The following DMD variants were observed in gnomAD, a reference collection of about 807,000 sequenced individuals.
DMD encodes mutant dystrophin.
A neutral mutation model predicts 330.1 loss-of-function variants in DMD; 63 were observed. The observed-to-expected ratio is 0.19, with a 90% confidence interval of 0.16 to 0.24. DMD has a LOEUF of 0.24. DMD is among the 10% of genes least tolerant of loss of function. The pLI, the probability that DMD is intolerant of heterozygous loss-of-function variation, is 1.00. For synonymous variants in DMD, 1,223 were observed against 959.8 expected (o/e 1.27, Z -5.07); for missense variants, 3,344 against 2,684.1 (o/e 1.25, Z -5.43).
chrX:32,815,508 T>C (rs2077669119), intron 6 of DMD, among the ~76,000 whole-genome samples: 1 of 57,700 alleles, frequency 1.7e-5, no homozygotes, highest in African/African-American at 7.7e-5. Flanking sequence ...TATATATATA[T>C]ATATATATAT....
intron 2 of DMD, among the ~76,000 whole-genome samples, chrX:32,930,985 A>T (rs1480995745): frequency 1.9e-5 from 2 of 107,777 alleles, no homozygotes; most frequent in African/African-American, 6.6e-5. Context: ...TATATTATAC[A>T]TTTATTATAT....
rs185638853 is a variant in DMD at position 32,633,583 on chromosome X, T to C, written c.1331+10549A>G. Among the ~76,000 whole-genome samples the C allele has an allele frequency of 1.5e-4, 17 of 112,113 alleles. No individual in the cohort carries two copies. In the East Asian group the frequency reaches 4.5e-3, roughly 30 times the overall value. ...ATCTTGACAGCAAAGCCCCACTTCT[T>C]GGTAACAATTTTCTGTACTAGGCCA... On this transcript the variant is annotated intron_variant, in intron 11 of 78. Coordinates refer to ENST00000357033, the MANE Select transcript of DMD (RefSeq NM_004006.3).
intron 48 of DMD, among the ~76,000 whole-genome samples, chrX:31,838,216 A>G (rs754765080): frequency 1.1e-4 from 12 of 111,868 alleles, no homozygotes; most frequent in Non-Finnish European, 2.1e-4. Flanking sequence ...TGAATACCGC[A>G]TTTGCAAAAA....
chrX:31,540,059 G>C, intron 55 of DMD, among the ~76,000 whole-genome samples: 2 of 112,272 alleles, frequency 1.8e-5, no homozygotes, highest in Admixed American at 1.9e-4. Flanking sequence ...CAGCTATTCT[G>C]CATCCAGGCT....
At chrX:31,597,007 C>T (rs2077142162) in intron 55 of DMD, among the ~76,000 whole-genome samples, 1 of 112,660 alleles carries the variant, frequency 8.9e-6, no homozygotes, top group African/African-American at 3.2e-5. Context: ...ATATTCTAGG[C>T]TTTGCCTCAA....
At chrX:32,781,810 A>G (rs973366525) in intron 7 of DMD, among the ~76,000 whole-genome samples, 22 of 111,662 alleles carry the variant, frequency 2.0e-4, no homozygotes, top group Admixed American at 1.7e-3. Context: ...AACATAAGGA[A>G]GAATGCTCAC....
intron 6 of DMD, among the ~76,000 whole-genome samples, chrX:32,811,862 G>A (rs2077392617): frequency 8.9e-6 from 1 of 111,858 alleles, no homozygotes; most frequent in African/African-American, 3.2e-5. Context: ...AAAATGTATT[G>A]ATAATAGAAT....
chrX:31,598,269 C>T (rs984100789), intron 55 of DMD, among the ~76,000 whole-genome samples: 1 of 110,469 alleles, frequency 9.1e-6, no homozygotes, highest in Non-Finnish European at 1.9e-5. Context: ...CAGAGGTGTT[C>T]CACCACATCC....
intron 47 of DMD, 128 bp from the exon 48 acceptor site, chrX:31,875,501 G>A (rs1242343289): frequency 3.7e-6 from 2 of 540,265 alleles, no homozygotes; most frequent in African/African-American, 4.7e-5. Flanking sequence ...TGTTATTTTA[G>A]CAGCATAATA....
intron 44 of DMD, among the ~76,000 whole-genome samples, chrX:32,085,676 A>G (rs761987398): frequency 6.0e-5 from 3 of 50,064 alleles, no homozygotes; most frequent in Non-Finnish European, 7.9e-5. Context: ...ATATATACAC[A>G]CGCGTATATA....
chrX:31,144,711 G>A (rs1359677257), intron 76 of DMD, among the ~76,000 whole-genome samples: 1 of 111,075 alleles, frequency 9.0e-6, no homozygotes, highest in Non-Finnish European at 1.9e-5. Flanking sequence ...TAAGATTTGA[G>A]AGGACCAAGT....
intron 47 of DMD, among the ~76,000 whole-genome samples, chrX:31,880,868 T>C (rs1225502143): frequency 8.9e-6 from 1 of 111,965 alleles, no homozygotes; most frequent in Non-Finnish European, 1.9e-5. Context: ...AATAAACAAC[T>C]GTTATTGGTT....
chrX:32,288,092 A>G (rs1234690119), intron 42 of DMD, among the ~76,000 whole-genome samples: 4 of 110,952 alleles, frequency 3.6e-5, no homozygotes, highest in African/African-American at 1.3e-4. Context: ...TAAATATCTT[A>G]TATAAGACAA....
At chrX:31,191,838 C>A in intron 67 of DMD, among the ~76,000 whole-genome samples, 1 of 112,449 alleles carries the variant, frequency 8.9e-6, no homozygotes, top group Non-Finnish European at 1.9e-5. Flanking sequence ...AAAATCATTT[C>A]AATGTCATTG....
chrX:33,259,673 G>A (rs1281130137), intron 1 of DMD, among the ~76,000 whole-genome samples: 1 of 92,960 alleles, frequency 1.1e-5, no homozygotes, highest in Non-Finnish European at 2.0e-5. Context: ...TATAATCACT[G>A]CCTTAAAGAT....
At position 32,842,333 on chromosome X, in the gene DMD, C is replaced by G. The variant is rs1192864669; in HGVS notation, c.264+2450G>C. ...AGATAACCACGCTAGGGATTTTCCCCACTGACAAGCATGCACACACTCCTC... is the reference window on the plus strand; with the variant it reads ...AGATAACCACGCTAGGGATTTTCCCGACTGACAAGCATGCACACACTCCTC... On this transcript the variant is annotated intron_variant, in intron 4 of 78. Transcript: ENST00000357033. Among the ~76,000 whole-genome samples the G allele has an allele frequency of 1.1e-4, 12 of 112,386 alleles. No individual in the cohort carries two copies. In the East Asian group the frequency reaches 3.4e-3, roughly 32 times the overall value.
Position 33,088,733 on chromosome X carries a change from A to G in DMD, c.32-68533T>C, listed in dbSNP as rs141067053. On this transcript the variant is annotated intron_variant, in intron 1 of 78. Transcript: ENST00000357033. Reference sequence around the variant, plus strand: ...ACCAGATGACATATTAAATATTTTTATAATTCTGATATTAAAACTTATAAT... The same window carrying G: ...ACCAGATGACATATTAAATATTTTTGTAATTCTGATATTAAAACTTATAAT... Among the ~76,000 whole-genome samples the G allele has an allele frequency of 2.1e-3, 241 of 112,286 alleles. 3 individuals carry two copies. The East Asian group carries it at 0.058, about 27-fold the overall frequency.
chrX:32,222,537 A>G (rs987847951), intron 43 of DMD, among the ~76,000 whole-genome samples: 2 of 112,701 alleles, frequency 1.8e-5, no homozygotes, highest in African/African-American at 6.4e-5. Context: ...AGATTAACCA[A>G]GAAAAAAAGA....
At chrX:32,438,202 G>A in intron 29 of DMD, 39 bp downstream of exon 29, 2 of 1,191,983 alleles carry the variant, frequency 1.7e-6, no homozygotes, top group Non-Finnish European at 1.1e-6. Flanking sequence ...ATACATTAAT[G>A]CAAATTAGAT....
Sources: gnomAD v4.1 joint callset for allele counts (sites outside exome capture counted in the v4.1 genomes callset) on GRCh38, gnomAD v4.1.1 for gene constraint, MANE v1.5 for transcripts, NCBI Gene and HGNC (gene_info 2026-07-23, HGNC 2026-07-21) for gene names.